The following CYRIB variants were observed in gnomAD, a reference collection of about 807,000 sequenced individuals.
CYRIB encodes CYFIP related Rac1 interactor B, also known as CYFIP-related Rac1 interactor B.
In CYRIB, 8 loss-of-function variants were observed where a neutral mutation model predicts 44.2. The ratio of observed to expected loss-of-function variants is 0.18; its 90% CI spans 0.11 to 0.33. The LOEUF (loss-of-function observed/expected upper bound fraction) is 0.33, where lower values mean the gene tolerates loss of function less well. CYRIB is among the 10% of genes least tolerant of loss of function. The pLI, the probability that CYRIB is intolerant of heterozygous loss-of-function variation, is 1.00. For synonymous variants in CYRIB, 131 were observed against 127.2 expected (o/e 1.03, Z -0.20); for missense variants, 185 against 382.8 (o/e 0.48, Z 4.31).
chr8:129,849,227 T>A lies in CYRIB; in HGVS notation c.840+16A>T, dbSNP rs771462869. Reference sequence around the variant, plus strand: ...AGAAACTCGTTTGAAATTATTTATATAAAACAATAACTTACATCAATTTTG... The same window carrying A: ...AGAAACTCGTTTGAAATTATTTATAAAAAACAATAACTTACATCAATTTTG... On this transcript the variant is annotated intron_variant, in intron 10 of 11. Coordinates refer to ENST00000519824, the Ensembl canonical transcript of CYRIB. 1.3e-6 allele frequency: 2 copies of A among 1,578,782 alleles called. No individual in the cohort carries two copies.
intron 3 of CYRIB, among the ~76,000 whole-genome samples, chr8:129,875,270 T>G (rs1310927205): frequency 6.9e-6 from 1 of 144,218 alleles, no homozygotes; most frequent in African/African-American, 2.5e-5. Context: ...CATTCAGTGC[T>G]TTTTTTTTTT....
intron 3 of CYRIB, among the ~76,000 whole-genome samples, chr8:129,878,918 A>G (rs2059999377): frequency 6.6e-6 from 1 of 152,210 alleles, no homozygotes; most frequent in South Asian, 2.1e-4. Flanking sequence ...TTACCTTTTA[A>G]TATTATGCCC....
intron 1 of CYRIB, among the ~76,000 whole-genome samples, chr8:129,922,798 GT>G (rs1469259520): frequency 6.6e-6 from 1 of 151,556 alleles, no homozygotes; most frequent in Admixed American, 6.6e-5. Context: ...GGGAGGCGGA[GT>G]TTGCAGTGAG....
intron 1 of CYRIB, among the ~76,000 whole-genome samples, chr8:129,972,475 G>A (rs1050619995): frequency 6.6e-6 from 1 of 152,144 alleles, no homozygotes; most frequent in South Asian, 2.1e-4. Flanking sequence ...TACTTGGCAG[G>A]CTGAGACAGG....
intron 1 of CYRIB, among the ~76,000 whole-genome samples, chr8:129,929,893 T>C (rs1361766250): frequency 2.6e-5 from 4 of 152,126 alleles, no homozygotes; most frequent in Admixed American, 6.6e-5. Flanking sequence ...ACAGTTTCTA[T>C]AATACAGTTA....
chr8:129,920,324 C>A (rs77673831), intron 1 of CYRIB, among the ~76,000 whole-genome samples: 3,522 of 152,068 alleles, frequency 0.023, 145 homozygotes, highest in African/African-American at 0.08. Context: ...GTTCAACAGA[C>A]AAGACATCAA....
At chr8:129,894,421 T>C (rs573665666) in intron 2 of CYRIB, 1 of 152,336 alleles carries the variant, frequency 6.6e-6, no homozygotes, top group South Asian at 2.1e-4. Context: ...ATCTGTGAAG[T>C]GTATATGCAT....
chr8:129,890,371 G>T (rs1185050199), intron 2 of CYRIB: 1 of 152,166 alleles, frequency 6.6e-6, no homozygotes, highest in Non-Finnish European at 1.5e-5. Context: ...TTAACATCCA[G>T]GCAAGACCCT....
intron 1 of CYRIB, among the ~76,000 whole-genome samples, chr8:130,010,053 G>A (rs980625787): frequency 2.0e-5 from 3 of 152,178 alleles, no homozygotes; most frequent in Non-Finnish European, 2.9e-5. Context: ...TCTGCACAAC[G>A]GGGCCCTCAC....
intron 4 of CYRIB, among the ~76,000 whole-genome samples, chr8:129,862,610 ACAGG>A (rs1403123273): frequency 1.3e-5 from 2 of 152,122 alleles, no homozygotes; most frequent in Non-Finnish European, 2.9e-5. Flanking sequence ...AGCTGGGACT[ACAGG>A]CACGCGCCAC....
At chr8:129,855,586 A>C (rs2045839066) in intron 6 of CYRIB, 25 bp downstream of exon 8, 1 of 1,613,208 alleles carries the variant, frequency 6.2e-7, no homozygotes, top group South Asian at 1.1e-5. Flanking sequence ...TTTTCGTAAC[A>C]ATCAGGGCCA....
intron 5 of CYRIB, among the ~76,000 whole-genome samples, chr8:129,856,863 C>G (rs1416827793): frequency 1.3e-5 from 2 of 152,154 alleles, no homozygotes; most frequent in African/African-American, 4.8e-5. Context: ...TTCTTTCTAC[C>G]ACAATAAACT....
chr8:130,006,619 T>TCAC, intron 1 of CYRIB, among the ~76,000 whole-genome samples: 2 of 8,164 alleles, frequency 2.4e-4, no homozygotes, highest in Admixed American at 2.9e-3. Context: ...TATATATGTG[T>TCAC]ATATATATAC....
intron 1 of CYRIB, among the ~76,000 whole-genome samples, chr8:129,983,009 TA>T (rs3077880): frequency 0.28 from 38,417 of 138,022 alleles, 5,028 homozygotes; most frequent in East Asian, 0.39. Flanking sequence ...GTAGAGCTGT[TA>T]AAAAAAAAAA....
chr8:129,879,921 C>T (rs1361035457), intron 2 of CYRIB: 2 of 153,298 alleles, frequency 1.3e-5, no homozygotes, highest in African/African-American at 4.8e-5. Context: ...CATCTTAAAA[C>T]AGTATAAAAC....
intron 3 of CYRIB, among the ~76,000 whole-genome samples, chr8:129,872,143 A>G (rs1032887855): frequency 7.9e-5 from 12 of 152,146 alleles, no homozygotes; most frequent in Admixed American, 7.9e-4. Flanking sequence ...TCTGCTGATG[A>G]ACAGAAGGTC....
upstream of CYRIB, among the ~76,000 whole-genome samples, chr8:129,943,592 CTTTTTTTTTT>C (rs1172470025): frequency 3.1e-5 from 3 of 96,188 alleles, no homozygotes; most frequent in Non-Finnish European, 5.8e-5. Flanking sequence ...GAGACTCCAT[CTTTTTTTTTT>C]TTTTTTTTTT....
intron 1 of CYRIB, among the ~76,000 whole-genome samples, chr8:129,934,965 T>G (rs177113): frequency 0.17 from 26,489 of 152,218 alleles, 2,443 homozygotes; most frequent in Non-Finnish European, 0.19. Context: ...AGAAGGCATA[T>G]AAGCTCTGGA....
At position 129,846,830 on chromosome 8, in the gene CYRIB, A is replaced by G. The variant is rs111860343; in HGVS notation, c.885T>C (p.Ser295=). 1.7e-3 allele frequency: 2,642 copies of G among 1,597,832 alleles called. 41 individuals are homozygous for G. In the African/African-American group the frequency reaches 0.031, roughly 19 times the overall value. The change falls in exon 11 of 12, where the codon AGT becomes AGC. Residue 295 remains serine (S), a synonymous_variant. Coordinates refer to ENST00000519824, the Ensembl canonical transcript of CYRIB. ...TGAGAGCATTTAGAAGACCTTCCACACTATTAGGAGGTTGGTCCTTAAGAA... is the reference window on the plus strand; with the variant it reads ...TGAGAGCATTTAGAAGACCTTCCACGCTATTAGGAGGTTGGTCCTTAAGAA...
Sources: allele counts gnomAD v4.1 joint callset (sites outside exome capture counted in the v4.1 genomes callset), GRCh38; gene constraint gnomAD v4.1.1; transcripts MANE v1.5; gene names NCBI Gene and HGNC (gene_info 2026-07-23, HGNC 2026-07-21).